The following ASIC2 variants were observed in gnomAD, a reference collection of about 807,000 sequenced individuals.
ASIC2 encodes the protein acid sensing ion channel subunit 2, also known as acid-sensing ion channel 2.
ASIC2 carries 25 observed loss-of-function variants against 57.3 expected under a neutral mutation model. The ratio of observed to expected loss-of-function variants is 0.44; its 90% CI spans 0.32 to 0.61. The LOEUF is 0.61. Among genes scored for constraint, ASIC2 ranks in the 20% least tolerant of loss-of-function variants. ASIC2 has a pLI of 0.06. For synonymous variants in ASIC2, 319 were observed against 307.5 expected (o/e 1.04, Z -0.39); for missense variants, 641 against 738.1 (o/e 0.87, Z 1.52).
intron 1 of ASIC2, among the ~76,000 whole-genome samples, chr17:33,722,445 A>G (rs1332954308): frequency 2.6e-5 from 4 of 152,202 alleles, no homozygotes; most frequent in African/African-American, 9.6e-5. Flanking sequence ...AAAATGGGCA[A>G]AAGATTTCCG....
chr17:33,655,300 C>T (rs1245273398), intron 1 of ASIC2, among the ~76,000 whole-genome samples: 1 of 152,224 alleles, frequency 6.6e-6, no homozygotes, highest in African/African-American at 2.4e-5. Flanking sequence ...ATGCCTTGCA[C>T]ATGGTCATTG....
At chr17:33,577,717 T>C (rs189473695) in intron 1 of ASIC2, among the ~76,000 whole-genome samples, 1 of 152,238 alleles carries the variant, frequency 6.6e-6, no homozygotes, top group East Asian at 1.9e-4. Context: ...AGCCACCAAC[T>C]GAGAGATGTC....
intron 1 of ASIC2, among the ~76,000 whole-genome samples, chr17:33,731,788 C>T (rs561955956): frequency 2.0e-5 from 3 of 152,332 alleles, no homozygotes; most frequent in East Asian, 3.9e-4. Context: ...GCAGGTCTAT[C>T]TCCTCTTCAA....
At chr17:33,120,637 G>A (rs1191229076) in intron 1 of ASIC2, among the ~76,000 whole-genome samples, 2 of 152,208 alleles carry the variant, frequency 1.3e-5, no homozygotes, top group Admixed American at 1.3e-4. Context: ...TGGAAGGTGG[G>A]GAAACCAGAG....
In ASIC2 at chr17:33,056,008, T is replaced by G. The variant is rs574691266; in HGVS notation, c.988-27616A>C. Among the ~76,000 whole-genome samples, 9 of 152,318 alleles carry G rather than the reference T, an allele frequency of 5.9e-5. No individual in the cohort carries two copies. The South Asian group carries it at 1.7e-3, about 28-fold the overall frequency. The stretch of plus-strand genomic sequence containing the variant: ...CTGGCATGGACTCCAAGTACTAGTA[T>G]TTTTCGAAAACTCCCTAGAGGATTC... On this transcript the variant is annotated intron_variant, in intron 3 of 9. Transcript: ENST00000225823.
intron 1 of ASIC2, among the ~76,000 whole-genome samples, chr17:33,511,871 AC>A (rs1379922603): frequency 6.6e-6 from 1 of 152,322 alleles, no homozygotes; most frequent in African/African-American, 2.4e-5. Flanking sequence ...CTCACTTGCC[AC>A]GAAACCCACA....
chr17:33,098,948 A>C (rs943631328), intron 2 of ASIC2, among the ~76,000 whole-genome samples: 1 of 141,904 alleles, frequency 7.0e-6, no homozygotes, highest in Non-Finnish European at 1.5e-5. Flanking sequence ...TACACAAAAT[A>C]TATATATAAA....
At chr17:33,139,864 T>G (rs959900373) in intron 1 of ASIC2, among the ~76,000 whole-genome samples, 2 of 152,216 alleles carry the variant, frequency 1.3e-5, no homozygotes, top group Non-Finnish European at 2.9e-5. Context: ...GTCCTGCCAT[T>G]AGCTATTGTG....
chr17:33,952,043 A>G (rs530495338), intron 1 of ASIC2, among the ~76,000 whole-genome samples: 22 of 152,346 alleles, frequency 1.4e-4, no homozygotes, highest in African/African-American at 4.6e-4. Context: ...TTGTGCAAGT[A>G]TATCATATTT....
At chr17:33,657,993 C>G (rs976355886) in intron 1 of ASIC2, among the ~76,000 whole-genome samples, 2 of 152,174 alleles carry the variant, frequency 1.3e-5, no homozygotes, top group African/African-American at 2.4e-5. Flanking sequence ...GACACATGCC[C>G]TCTGCCTACT....
intron 1 of ASIC2, among the ~76,000 whole-genome samples, chr17:33,195,682 G>A (rs545707025): frequency 3.2e-4 from 48 of 152,212 alleles, no homozygotes; most frequent in Non-Finnish European, 5.3e-4. Context: ...GGACACACAC[G>A]ATCATCTTCA....
At chr17:33,065,990 C>T (rs2092041894) in intron 3 of ASIC2, among the ~76,000 whole-genome samples, 1 of 152,070 alleles carries the variant, frequency 6.6e-6, no homozygotes, top group Non-Finnish European at 1.5e-5. Context: ...GTTAAGGCGA[C>T]ACATCAAGCC....
chr17:33,462,590 T>C (rs1248027920), intron 1 of ASIC2, among the ~76,000 whole-genome samples: 2 of 152,222 alleles, frequency 1.3e-5, no homozygotes, highest in Non-Finnish European at 2.9e-5. Flanking sequence ...GGTGCCACTT[T>C]GTAACAGCAG....
intron 1 of ASIC2, among the ~76,000 whole-genome samples, chr17:33,417,125 C>A (rs1910871227): frequency 6.6e-6 from 1 of 152,136 alleles, no homozygotes; most frequent in South Asian, 2.1e-4. Flanking sequence ...TGCAGACAGG[C>A]CTCGAACACA....
intron 1 of ASIC2, 58 bp downstream of exon 1, chr17:33,291,350 T>G: frequency 6.5e-7 from 1 of 1,535,486 alleles, no homozygotes; most frequent in Non-Finnish European, 8.7e-7. Context: ...ACACCAGGCC[T>G]CCTGACTGCC....
intron 1 of ASIC2, among the ~76,000 whole-genome samples, chr17:33,305,008 G>A (rs1006693775): frequency 6.6e-6 from 1 of 152,102 alleles, no homozygotes; most frequent in East Asian, 1.9e-4. Flanking sequence ...TCAGTTGAGC[G>A]GCAGTATAAG....
chr17:33,030,469 C>T (rs1244086098), intron 3 of ASIC2, among the ~76,000 whole-genome samples: 1 of 151,910 alleles, frequency 6.6e-6, no homozygotes, highest in Admixed American at 6.6e-5. Flanking sequence ...CTTTTATTGC[C>T]GAGTTTTACT....
At chr17:33,950,386 T>C (rs12449390) in intron 1 of ASIC2, among the ~76,000 whole-genome samples, 22,980 of 152,266 alleles carry the variant, frequency 0.15, 2,234 homozygotes, top group East Asian at 0.28. Context: ...TCAGATTCCG[T>C]AATAAATGCA....
chr17:33,144,534 G>C (rs1904475594), intron 1 of ASIC2, among the ~76,000 whole-genome samples: 1 of 152,172 alleles, frequency 6.6e-6, no homozygotes, highest in South Asian at 2.1e-4. Context: ...ACCCAAGCCA[G>C]TTAGAATTAG....
Sources: allele counts gnomAD v4.1 joint callset (sites outside exome capture counted in the v4.1 genomes callset), GRCh38; gene constraint gnomAD v4.1.1; transcripts MANE v1.5; gene names NCBI Gene and HGNC (gene_info 2026-07-23, HGNC 2026-07-21).